Variants in C2orf92 observed in about 807,000 individuals in gnomAD.
The protein encoded by C2orf92 is uncharacterized protein C2orf92.
chr2:97,690,425 G>C (rs571973594), intron 5 of C2orf92, 98 bp downstream of exon 5: 20 of 383,322 alleles, frequency 5.2e-5, no homozygotes, highest in Non-Finnish European at 9.2e-5. Context: ...CTGTTGCCCA[G>C]GCTGGAGTAC....
intron 6 of C2orf92, among the ~76,000 whole-genome samples, chr2:97,700,878 C>T (rs907437764): frequency 3.5e-4 from 53 of 151,962 alleles, no homozygotes; most frequent in Non-Finnish European, 6.3e-4. Context: ...TACAGGCGCC[C>T]GCCACCACGC....
intron 3 of C2orf92, among the ~76,000 whole-genome samples, chr2:97,677,161 AG>A (rs1675610280): frequency 6.6e-6 from 1 of 152,208 alleles, no homozygotes; most frequent in Non-Finnish European, 1.5e-5. Flanking sequence ...CAGTGTGGAT[AG>A]CAGTCCACAT....
chr2:97,686,293 C>A (rs992988059), intron 3 of C2orf92, among the ~76,000 whole-genome samples: 1 of 152,208 alleles, frequency 6.6e-6, no homozygotes, highest in East Asian at 1.9e-4. Flanking sequence ...TTCCATGACC[C>A]AAACACCTCC....
upstream of C2orf92, chr2:97,666,862 AAAG>A (rs943810586): frequency 1.4e-4 from 21 of 151,624 alleles, no homozygotes; most frequent in African/African-American, 4.4e-4. Context: ...AAAAAAAAAA[AAAG>A]CAGTTGATTT....
upstream of C2orf92, among the ~76,000 whole-genome samples, chr2:97,667,766 C>G (rs558379707): frequency 3.3e-5 from 5 of 152,160 alleles, no homozygotes; most frequent in South Asian, 8.3e-4. Context: ...CCTATGTAAC[C>G]CTTTTCATTT....
chr2:97,674,094 T>C (rs1675498913), intron 1 of C2orf92: 1 of 177,598 alleles, frequency 5.6e-6, no homozygotes, highest in Non-Finnish European at 1.2e-5. Flanking sequence ...GGGAGGCCAC[T>C]GTGGCTTTGG....
intron 3 of C2orf92, among the ~76,000 whole-genome samples, chr2:97,684,992 C>T (rs1675903977): frequency 6.7e-6 from 1 of 149,632 alleles, no homozygotes; most frequent in South Asian, 2.1e-4. Context: ...TGTAGTGGCA[C>T]AATCTTGGCT....
chr2:97,682,381 C>G (rs1675804247), intron 3 of C2orf92, among the ~76,000 whole-genome samples: 1 of 152,150 alleles, frequency 6.6e-6, no homozygotes, highest in African/African-American at 2.4e-5. Flanking sequence ...TCTACAAAAG[C>G]TATAAATAAG....
intron 1 of C2orf92, chr2:97,672,194 G>A (rs1195165915): frequency 1.3e-5 from 2 of 151,658 alleles, no homozygotes; most frequent in African/African-American, 4.8e-5. Context: ...GTGTGAGAAG[G>A]AGCAACTGGG....
At chr2:97,684,896 C>T (rs1376767407) in intron 3 of C2orf92, among the ~76,000 whole-genome samples, 1 of 152,108 alleles carries the variant, frequency 6.6e-6, no homozygotes, top group Admixed American at 6.5e-5. Flanking sequence ...CAAAATATCA[C>T]TATTCACGCT....
At chr2:97,690,492 T>G (rs1676094601) in intron 5 of C2orf92, among the ~76,000 whole-genome samples, 165 bp downstream of exon 5, 1 of 151,748 alleles carries the variant, frequency 6.6e-6, no homozygotes, top group Non-Finnish European at 1.5e-5. Context: ...GCCATTCTCC[T>G]GCCTCAGCCT....
intron 5 of C2orf92, among the ~76,000 whole-genome samples, chr2:97,692,537 G>A (rs970003399): frequency 6.6e-6 from 1 of 150,792 alleles, no homozygotes; most frequent in Non-Finnish European, 1.5e-5. Flanking sequence ...AGCCTCCCAA[G>A]TAGCTGGGAC....
At chr2:97,701,705 G>A (rs1676502240) in intron 7 of C2orf92, among the ~76,000 whole-genome samples, 1 of 152,248 alleles carries the variant, frequency 6.6e-6, no homozygotes, top group Non-Finnish European at 1.5e-5. Context: ...GAGCAGGGCT[G>A]ATATTCAGCT....
At chr2:97,676,478 G>A (rs1327984779) in intron 3 of C2orf92, among the ~76,000 whole-genome samples, 1 of 147,216 alleles carries the variant, frequency 6.8e-6, no homozygotes, top group Non-Finnish European at 1.5e-5. Context: ...ACACCCCTTG[G>A]CCGGGTGCGG....
At chr2:97,673,956 G>A (rs530534340) in intron 1 of C2orf92, among the ~76,000 whole-genome samples, 1 of 152,302 alleles carries the variant, frequency 6.6e-6, no homozygotes, top group South Asian at 2.1e-4. Context: ...ATCCCGGTGA[G>A]GGCAGTCCGT....
chr2:97,690,035 A>C (rs1676075912), intron 4 of C2orf92, among the ~76,000 whole-genome samples: 1 of 151,936 alleles, frequency 6.6e-6, no homozygotes, highest in Non-Finnish European at 1.5e-5. Flanking sequence ...GGAGGCTGAG[A>C]CATGAGCATC....
At chr2:97,667,124 TGA>T (rs1021025871), upstream of C2orf92, 187 of 152,302 alleles carry the variant, frequency 1.2e-3, 1 homozygote, top group African/African-American at 4.1e-3. Flanking sequence ...TTAAAAATAA[TGA>T]GAGAGTGCTA....
In C2orf92 at chr2:97,689,034, A is replaced by G. The variant is rs374003545; in HGVS notation, c.331+41A>G. ...TAACATAATAAGTGCACACATTTCT[A>G]TAGGCCTATGTGTTGTCTTAAATGT... On this transcript the variant is annotated intron_variant, in intron 4 of 7. Transcript: ENST00000627399. 7.5e-6 allele frequency: 3 copies of G among 398,324 alleles called. No individual in the cohort carries two copies. The East Asian group carries it at 1.1e-4, about 14-fold the overall frequency. The allele number at this position is 398,324 out of a possible 1,614,324, so 24.7% of individuals were successfully genotyped here.
intron 3 of C2orf92, among the ~76,000 whole-genome samples, chr2:97,685,935 T>C (rs1293058798): frequency 6.6e-6 from 1 of 152,176 alleles, no homozygotes; most frequent in African/African-American, 2.4e-5. Flanking sequence ...CCCTCATACA[T>C]TGCTGGTGGG....
Sources: allele counts gnomAD v4.1 joint callset (sites outside exome capture counted in the v4.1 genomes callset), GRCh38; gene constraint gnomAD v4.1.1; transcripts MANE v1.5; gene names NCBI Gene and HGNC (gene_info 2026-07-23, HGNC 2026-07-21).